OXR1: variants seen among roughly 807,000 people sequenced by gnomAD.
OXR1 encodes oxidation resistance protein 1.
A neutral mutation model predicts 104.6 loss-of-function variants in OXR1; 41 were observed. The observed-to-expected ratio is 0.39, with a 90% CI of 0.31 to 0.51. The LOEUF is 0.51. OXR1 is among the 20% of genes least tolerant of loss of function. The probability of loss-of-function intolerance (pLI) is 0.77; values close to 1 mark genes in which losing one functional copy is unlikely to be tolerated. For missense variants in OXR1, 955 were observed against 1,031.9 expected (o/e 0.93, Z 1.02); for synonymous variants, 348 against 348.4 (o/e 1.00, Z 0.01).
Position 106,739,569 on chromosome 8 carries a change from G to T in OXR1, c.2149G>T (p.Asp717Tyr). 1 of 1,613,246 alleles carries T rather than the reference G, an allele frequency of 6.2e-7. No homozygotes were observed. Among genetic ancestry groups the T allele is most frequent in the Non-Finnish European group, 8.5e-7 (1 of 1,179,652 alleles). Residue 717 changes from aspartate (D) to tyrosine (Y), a missense_variant, in exon 13 of 17, where the codon GAT becomes TAT. By Grantham distance (160) the Asp-to-Tyr change is radical. This residue lies in a region of OXR1 where 849 missense variants were observed against 852.9 expected (regional missense o/e 1.00). Coordinates refer to ENST00000517566, the MANE Select transcript of OXR1 (RefSeq NM_001198533.2). ...TGATCCCAGTGAACTTTTACTGCCAGATCAAATTGAAAAGGTATGACATGC... is the reference window on the plus strand; with the variant it reads ...TGATCCCAGTGAACTTTTACTGCCATATCAAATTGAAAAGGTATGACATGC... ...LSDPSELLLP[D>Y]QIEKLTKHLP... is the part of the protein sequence containing the mutation.
At chr8:106,605,584 C>T (rs1009046680) in intron 3 of OXR1, among the ~76,000 whole-genome samples, 5 of 148,822 alleles carry the variant, frequency 3.4e-5, no homozygotes, top group African/African-American at 5.0e-5. Context: ...CACCTGAGGT[C>T]GGGAGTTCCA....
intron 3 of OXR1, among the ~76,000 whole-genome samples, chr8:106,529,056 C>T (rs1043032070): frequency 1.6e-4 from 24 of 152,168 alleles, no homozygotes; most frequent in African/African-American, 4.8e-4. Flanking sequence ...TTTCTTGTTA[C>T]ACATGGAAGC....
intron 7 of OXR1, among the ~76,000 whole-genome samples, chr8:106,696,544 C>T (rs1005814376): frequency 6.6e-6 from 1 of 152,142 alleles, no homozygotes; most frequent in African/African-American, 2.4e-5. Flanking sequence ...AACTGAAGAA[C>T]TCTCCTCCAA....
At position 106,740,436 on chromosome 8, in the gene OXR1, C is replaced by G. The variant is rs763823640; in HGVS notation, c.2257C>G (p.Arg753Gly). 1 of 1,613,010 alleles carries G rather than the reference C, an allele frequency of 6.2e-7. No homozygotes were observed. Among genetic ancestry groups the G allele is most frequent in the Middle Eastern group, 1.7e-4 (1 of 6,058 alleles). Residue 753 changes from arginine (R) to glycine (G), a missense_variant, in exon 14 of 17, where the codon CGA becomes GGA. Arg to Gly is a moderately radical substitution (Grantham distance 125). This residue lies in a region of OXR1 where 106 missense variants were observed against 179.0 expected (regional missense o/e 0.59). Transcript: ENST00000517566. Reference sequence around the variant, plus strand: ...TGGCACAAGCTTGAAAACTCTTTATCGAACAATGACAGGTTTAGACACCCC... The same window carrying G: ...TGGCACAAGCTTGAAAACTCTTTATGGAACAATGACAGGTTTAGACACCCC... The part of the protein sequence containing the change: ...KHGTSLKTLY[R>G]TMTGLDTPVL...
At chr8:106,657,941 C>T in intron 3 of OXR1, 1 of 1,247,840 alleles carries the variant, frequency 8.0e-7, no homozygotes, top group Non-Finnish European at 1.0e-6. Flanking sequence ...ACCGCCGAAA[C>T]CGTCGACCTC....
At chr8:106,609,473 T>C (rs1820651224) in intron 3 of OXR1, among the ~76,000 whole-genome samples, 1 of 152,198 alleles carries the variant, frequency 6.6e-6, no homozygotes, top group Non-Finnish European at 1.5e-5. Context: ...GGAAATACTC[T>C]TTCAAACCTA....
intron 1 of OXR1, among the ~76,000 whole-genome samples, chr8:106,349,188 T>C (rs1300645111): frequency 6.6e-6 from 1 of 152,152 alleles, no homozygotes; most frequent in Non-Finnish European, 1.5e-5. Flanking sequence ...TTTTGATTAT[T>C]AGGTTTTTGA....
At chr8:106,681,379 A>G (rs952305637) in intron 4 of OXR1, among the ~76,000 whole-genome samples, 35 of 152,290 alleles carry the variant, frequency 2.3e-4, no homozygotes, top group African/African-American at 8.2e-4. Context: ...TAACCCAAAT[A>G]TTTGGCATAA....
chr8:106,514,043 T>TTTCCTTA (rs1812707730), intron 2 of OXR1, among the ~76,000 whole-genome samples: 1 of 152,148 alleles, frequency 6.6e-6, no homozygotes, highest in Non-Finnish European at 1.5e-5. Context: ...GATGTCTTCT[T>TTTCCTTA]TTCCTTATTT....
At chr8:106,417,035 T>A (rs547687294) in intron 2 of OXR1, among the ~76,000 whole-genome samples, 26 of 152,250 alleles carry the variant, frequency 1.7e-4, no homozygotes, top group African/African-American at 6.0e-4. Context: ...ATGAGTACTA[T>A]AAGGAGACTT....
At chr8:106,532,921 T>C (rs1387562805) in intron 3 of OXR1, among the ~76,000 whole-genome samples, 1 of 152,240 alleles carries the variant, frequency 6.6e-6, no homozygotes, top group Admixed American at 6.5e-5. Context: ...ACATCATGCA[T>C]TGAGCATATG....
intron 2 of OXR1, among the ~76,000 whole-genome samples, chr8:106,435,595 T>G (rs556308427): frequency 1.3e-5 from 2 of 152,326 alleles, no homozygotes; most frequent in South Asian, 4.1e-4. Flanking sequence ...TTATGTCCCA[T>G]GTAAAGAACC....
intron 2 of OXR1, among the ~76,000 whole-genome samples, chr8:106,474,664 G>A (rs1821705131): frequency 6.6e-6 from 1 of 151,932 alleles, no homozygotes; most frequent in South Asian, 2.1e-4. Flanking sequence ...CTGCTTTTGT[G>A]CTACGTCAGC....
chr8:106,458,630 A>G (rs1360673556), intron 2 of OXR1, among the ~76,000 whole-genome samples: 1 of 152,064 alleles, frequency 6.6e-6, no homozygotes, highest in Non-Finnish European at 1.5e-5. Flanking sequence ...TCAGCCTGGG[A>G]GAACTGGAGG....
At position 106,518,970 on chromosome 8, in the gene OXR1, T is replaced by C. The variant is rs1032107808; in HGVS notation, c.51T>C (p.Asp17=). The C allele has an allele frequency of 2.6e-6, 4 of 1,551,444 alleles. No homozygotes were observed. The East Asian group carries it at 9.8e-5, about 38-fold the overall frequency. Reference sequence around the variant, plus strand: ...TGAAGAAAAAGTCCCAGTCGGTGGATATTAATGCTCCAGGGTTCAACCCTT... The same window carrying C: ...TGAAGAAAAAGTCCCAGTCGGTGGACATTAATGCTCCAGGGTTCAACCCTT... ...SWLKKKSQSV[D]INAPGFNPLA... Residue 17 remains aspartate (D), a synonymous_variant, in exon 3 of 17, where the codon GAT becomes GAC. Transcript: ENST00000517566.
chr8:106,617,354 C>A (rs1821327092), intron 3 of OXR1, among the ~76,000 whole-genome samples: 2 of 151,998 alleles, frequency 1.3e-5, no homozygotes, highest in Non-Finnish European at 1.5e-5. Flanking sequence ...ACCTGGGAGG[C>A]AGAGGTTGCA....
chr8:106,530,403 G>C (rs1814007108), intron 3 of OXR1, among the ~76,000 whole-genome samples: 1 of 152,128 alleles, frequency 6.6e-6, no homozygotes, highest in African/African-American at 2.4e-5. Flanking sequence ...GCGCAAGTCA[G>C]CCTTCTGCCT....
chr8:106,299,616 C>T (rs1054380100), intron 1 of OXR1, among the ~76,000 whole-genome samples: 5 of 152,010 alleles, frequency 3.3e-5, no homozygotes. Flanking sequence ...CTCATTTATT[C>T]TCATATACTC....
chr8:106,355,550 TA>T (rs2130322194), intron 1 of OXR1, among the ~76,000 whole-genome samples: 1 of 152,106 alleles, frequency 6.6e-6, no homozygotes, highest in African/African-American at 2.4e-5. Context: ...CTTGACAAAA[TA>T]AATCAGATAG....
Sources: gnomAD v4.1 joint callset for allele counts (sites outside exome capture counted in the v4.1 genomes callset) on GRCh38, gnomAD v4.1.1 for gene constraint, gnomAD v4.1.1 regional missense constraint, MANE v1.5 for transcripts, NCBI Gene and HGNC (gene_info 2026-07-23, HGNC 2026-07-21) for gene names.